The following AGBL4 variants were observed in gnomAD, a reference collection of about 807,000 sequenced individuals.
AGBL4 encodes the protein cytosolic carboxypeptidase 6.
AGBL4 carries 58 observed loss-of-function variants against 66.4 expected under a neutral mutation model. That is an observed-to-expected ratio of 0.87 (90% CI 0.71 to 1.09). AGBL4 has a LOEUF of 1.09. Among genes scored for constraint, AGBL4 ranks in the 50% least tolerant of loss-of-function variants. AGBL4 has a pLI of 0.00. For synonymous variants in AGBL4, 234 were observed against 222.9 expected (o/e 1.05, Z -0.44); for missense variants, 579 against 631.0 (o/e 0.92, Z 0.88).
intron 6 of AGBL4, among the ~76,000 whole-genome samples, chr1:48,682,595 G>A (rs545508564): frequency 6.6e-6 from 1 of 152,172 alleles, no homozygotes; most frequent in East Asian, 1.9e-4. Context: ...GCCTTGCTAT[G>A]TTTCCCAGGC....
intron 4 of AGBL4, among the ~76,000 whole-genome samples, chr1:49,179,371 G>A (rs1382331758): frequency 1.3e-5 from 2 of 151,996 alleles, no homozygotes; most frequent in Non-Finnish European, 2.9e-5. Context: ...GAAAAAAATG[G>A]GTTAGAAATA....
chr1:49,816,375 AG>A (rs2147982013), intron 2 of AGBL4, among the ~76,000 whole-genome samples: 1 of 152,316 alleles, frequency 6.6e-6, no homozygotes, highest in East Asian at 1.9e-4. Flanking sequence ...AAGCTGGAAA[AG>A]GTTCCAAAAG....
chr1:49,305,564 C>T (rs1340438454), intron 3 of AGBL4, among the ~76,000 whole-genome samples: 1 of 152,028 alleles, frequency 6.6e-6, no homozygotes, highest in Non-Finnish European at 1.5e-5. Flanking sequence ...CAGTGTGAAC[C>T]TATGTTGTTC....
chr1:49,039,657 C>T (rs561417107), intron 5 of AGBL4, among the ~76,000 whole-genome samples: 6 of 152,164 alleles, frequency 3.9e-5, no homozygotes, highest in East Asian at 3.9e-4. Flanking sequence ...AAATGAACTT[C>T]GGCCCTTACT....
At chr1:49,134,460 C>G (rs1257112633) in intron 4 of AGBL4, among the ~76,000 whole-genome samples, 1 of 143,610 alleles carries the variant, frequency 7.0e-6, no homozygotes, top group South Asian at 2.4e-4. Flanking sequence ...ACTCCCAGAG[C>G]AGCCATTTTG....
intron 4 of AGBL4, among the ~76,000 whole-genome samples, chr1:49,127,739 G>C (rs1180308851): frequency 6.6e-6 from 1 of 152,034 alleles, no homozygotes; most frequent in Non-Finnish European, 1.5e-5. Context: ...CTCCAAAAAA[G>C]CTAGGCTTCA....
intron 6 of AGBL4, among the ~76,000 whole-genome samples, chr1:48,767,542 T>A (rs932588180): frequency 6.6e-6 from 1 of 152,178 alleles, no homozygotes; most frequent in Non-Finnish European, 1.5e-5. Context: ...TCTTGACTGG[T>A]CACATGAATG....
chr1:49,981,241 C>G (rs1659031552), intron 1 of AGBL4, among the ~76,000 whole-genome samples: 1 of 152,128 alleles, frequency 6.6e-6, no homozygotes, highest in Admixed American at 6.5e-5. Flanking sequence ...TCTAGCTCAA[C>G]TTTGAAGAAA....
intron 4 of AGBL4, among the ~76,000 whole-genome samples, chr1:49,239,293 C>G (rs1651031102): frequency 6.6e-6 from 1 of 152,008 alleles, no homozygotes; most frequent in Non-Finnish European, 1.5e-5. Context: ...ATTGGTACAA[C>G]ATTTTTGGAG....
intron 3 of AGBL4, among the ~76,000 whole-genome samples, chr1:49,283,999 G>A (rs1358707001): frequency 6.7e-6 from 1 of 148,494 alleles, no homozygotes; most frequent in Admixed American, 6.7e-5. Context: ...CCAACGTTCA[G>A]ATTCAGGAAA....
At chr1:48,688,961 C>G (rs953584786) in intron 6 of AGBL4, among the ~76,000 whole-genome samples, 3 of 151,968 alleles carry the variant, frequency 2.0e-5, no homozygotes, top group African/African-American at 7.3e-5. Flanking sequence ...ATCTATCAGG[C>G]AGTGGACATC....
At chr1:48,596,682 CA>C (rs1296596248) in intron 9 of AGBL4, among the ~76,000 whole-genome samples, 2 of 152,098 alleles carry the variant, frequency 1.3e-5, no homozygotes, top group Non-Finnish European at 2.9e-5. Context: ...TGGGCTCAAG[CA>C]ATTCTCCTGC....
chr1:49,877,433 TTGGTTCTGTTTATATGC>T (rs1452924912), intron 1 of AGBL4, among the ~76,000 whole-genome samples: 1 of 152,018 alleles, frequency 6.6e-6, no homozygotes, highest in Non-Finnish European at 1.5e-5. Context: ...GTTTTTGTCT[TTGGTTCTGTTTATATGC>T]TGGATTACAT....
At chr1:49,433,982 G>A (rs1252567553) in intron 3 of AGBL4, among the ~76,000 whole-genome samples, 1 of 152,154 alleles carries the variant, frequency 6.6e-6, no homozygotes, top group East Asian at 1.9e-4. Flanking sequence ...AAGTCAGTAA[G>A]AGGAAGAAAT....
In AGBL4 at chr1:49,692,830, T is replaced by G. The variant is rs577131663; in HGVS notation, c.282+4483A>C. Among the ~76,000 whole-genome samples the G allele has an allele frequency of 1.4e-4, 22 of 152,318 alleles. No homozygotes were observed. In the South Asian group the frequency reaches 2.5e-3, roughly 17 times the overall value. ...TGTATGTTTAAACTACATTATTTCT[T>G]ATAGTAATCCAAGAAATACTATATT... On this transcript the variant is annotated intron_variant, in intron 3 of 13. Coordinates refer to ENST00000371839, the MANE Select transcript of AGBL4 (RefSeq NM_032785.4).
At chr1:49,092,792 TTTG>T (rs1464992152) in intron 4 of AGBL4, among the ~76,000 whole-genome samples, 4 of 152,202 alleles carry the variant, frequency 2.6e-5, no homozygotes, top group Admixed American at 6.5e-5. Context: ...TTTTCAAATA[TTTG>T]TTGAAGGAAT....
chr1:48,812,389 T>G (rs1175027020), intron 6 of AGBL4, among the ~76,000 whole-genome samples: 3 of 152,168 alleles, frequency 2.0e-5, no homozygotes, highest in Non-Finnish European at 2.9e-5. Flanking sequence ...CAATAAGGAC[T>G]CTGGATCAGA....
chr1:49,937,209 A>T (rs1276079254), intron 1 of AGBL4, among the ~76,000 whole-genome samples: 1 of 152,196 alleles, frequency 6.6e-6, no homozygotes, highest in African/African-American at 2.4e-5. Flanking sequence ...GATAAAACAG[A>T]CATTAAACCA....
At chr1:48,720,081 A>C (rs1254192325) in intron 6 of AGBL4, among the ~76,000 whole-genome samples, 1 of 152,090 alleles carries the variant, frequency 6.6e-6, no homozygotes, top group African/African-American at 2.4e-5. Flanking sequence ...TTCCCATAGC[A>C]TTTCCTCACC....
Sources: allele counts gnomAD v4.1 joint callset (sites outside exome capture counted in the v4.1 genomes callset), GRCh38; gene constraint gnomAD v4.1.1; transcripts MANE v1.5; gene names NCBI Gene and HGNC (gene_info 2026-07-23, HGNC 2026-07-21).